The following IL33 variants were observed in gnomAD, a reference collection of about 807,000 sequenced individuals.
IL33 encodes the protein interleukin-33.
Under a neutral mutation model 27.3 loss-of-function variants are expected in IL33, and 37 were observed. That is an observed-to-expected ratio of 1.36 (90% CI 1.04 to 1.78). IL33 has a LOEUF of 1.78. IL33 is among the 40% of genes most tolerant of loss of function. The pLI is 0.00. For missense variants in IL33, 406 were observed against 311.4 expected (o/e 1.30, Z -2.29); for synonymous variants, 132 against 102.9 (o/e 1.28, Z -1.71).
intron 2 of IL33, among the ~76,000 whole-genome samples, chr9:6,247,226 G>A (rs1819910417): frequency 6.6e-6 from 1 of 152,190 alleles, no homozygotes; most frequent in Non-Finnish European, 1.5e-5. Flanking sequence ...TGAGCAGACA[G>A]TAGAGGGATA....
chr9:6,245,726 T>C (rs1048668267), intron 2 of IL33, among the ~76,000 whole-genome samples: 4 of 151,970 alleles, frequency 2.6e-5, no homozygotes, highest in African/African-American at 9.7e-5. Flanking sequence ...ATTGTAAGAA[T>C]GGAAAGAAGG....
chr9:6,236,000 C>T (rs979677856), intron 1 of IL33, among the ~76,000 whole-genome samples: 5 of 130,186 alleles, frequency 3.8e-5, no homozygotes, highest in Non-Finnish European at 8.1e-5. Context: ...AACATACACC[C>T]ACACCCACCC....
At chr9:6,250,453 A>G (rs995764339) in intron 2 of IL33, 21 bp from the exon 3 acceptor site, 1 of 1,610,074 alleles carries the variant, frequency 6.2e-7, no homozygotes, top group African/African-American at 1.3e-5. Flanking sequence ...AAACAGTCTC[A>G]CAAGTTTTTC....
At chr9:6,248,831 A>T (rs1816163154) in intron 2 of IL33, among the ~76,000 whole-genome samples, 1 of 151,980 alleles carries the variant, frequency 6.6e-6, no homozygotes, top group Non-Finnish European at 1.5e-5. Flanking sequence ...TTCTTGCCTC[A>T]GCCTCCCAAA....
intron 2 of IL33, among the ~76,000 whole-genome samples, chr9:6,248,334 G>A (rs1337215575): frequency 4.7e-5 from 7 of 149,216 alleles, no homozygotes; most frequent in African/African-American, 1.7e-4. Context: ...AACCTCCGGA[G>A]AGGTCGGATC....
chr9:6,251,025 A>C, intron 3 of IL33, 115 bp from the exon 4 acceptor site: 1 of 1,402,438 alleles, frequency 7.1e-7, no homozygotes, highest in Non-Finnish European at 9.6e-7. Context: ...TGAAGTGGCC[A>C]AAGCCCTGGA....
chr9:6,221,267 G>A (rs1210057574), intron 1 of IL33, among the ~76,000 whole-genome samples: 1 of 152,076 alleles, frequency 6.6e-6, no homozygotes, highest in Non-Finnish European at 1.5e-5. Context: ...TATGGTTTGT[G>A]GAAACTTAAT....
intron 2 of IL33, among the ~76,000 whole-genome samples, chr9:6,247,051 A>C (rs960729150): frequency 6.6e-6 from 1 of 152,190 alleles, no homozygotes; most frequent in African/African-American, 2.4e-5. Context: ...AAAGAAAAAC[A>C]GATAGAAAGC....
intron 1 of IL33, among the ~76,000 whole-genome samples, chr9:6,230,072 G>A (rs10975499): frequency 0.26 from 39,220 of 152,014 alleles, 5,546 homozygotes; most frequent in East Asian, 0.48. Context: ...TATGGAGGGA[G>A]GGGTAAGTAA....
At chr9:6,245,556 G>A (rs1335277188) in intron 2 of IL33, among the ~76,000 whole-genome samples, 1 of 152,180 alleles carries the variant, frequency 6.6e-6, no homozygotes, top group Non-Finnish European at 1.5e-5. Flanking sequence ...ATAAAGTGAG[G>A]AGGCAAGAGT....
chr9:6,220,465 T>C (rs1171640784), intron 1 of IL33, among the ~76,000 whole-genome samples: 1 of 152,242 alleles, frequency 6.6e-6, no homozygotes, highest in Non-Finnish European at 1.5e-5. Context: ...GCCTGCTGGC[T>C]TATTACTGGC....
In IL33 at chr9:6,216,749, C is replaced by CA. The variant is rs956353108; in HGVS notation, c.-12+905dup. ...GGTAACAAGAGCTAAATGTCATCTC[C>CA]AAAAAAAATGATGGAAACTTTGAAT... On this transcript the variant is annotated intron_variant, in intron 1 of 7. Transcript: ENST00000682010. 6.6e-5 allele frequency among the ~76,000 whole-genome samples: 10 copies of CA among 151,458 alleles called. No individual in the cohort carries two copies. In the East Asian group the frequency reaches 1.2e-3, roughly 18 times the overall value.
At position 6,250,540 on chromosome 9, in the gene IL33, T is replaced by C. The variant is rs1816290100; in HGVS notation, c.158T>C (p.Ile53Thr). Reference sequence around the variant, plus strand: ...ATGAAGCTCCGCTCTGGCCTTATGATAAAAAAGGAGGCCTGTTACTTTAGG... The same window carrying C: ...ATGAAGCTCCGCTCTGGCCTTATGACAAAAAAGGAGGCCTGTTACTTTAGG... The part of the protein sequence containing the change: ...YFMKLRSGLM[I>T]KKEACYFRRE... The change falls in exon 3 of 8, where the codon ATA (isoleucine) becomes ACA (threonine). Residue 53 changes from isoleucine (I) to threonine (T), a missense_variant. Coordinates refer to ENST00000682010, the MANE Select transcript of IL33 (RefSeq NM_033439.4). 1.2e-6 allele frequency: 2 copies of C among 1,613,852 alleles called. No homozygotes were observed. The highest frequency in any genetic ancestry group is 1.7e-6 in the Non-Finnish European group (2 of 1,179,940).
At chr9:6,251,014 A>G in intron 3 of IL33, 126 bp from the exon 4 acceptor site, 2 of 1,245,974 alleles carry the variant, frequency 1.6e-6, no homozygotes. Context: ...CCTTTGGACC[A>G]TGAAGTGGCC....
At chr9:6,246,040 G>T (rs1273590003) in intron 2 of IL33, among the ~76,000 whole-genome samples, 1 of 106,878 alleles carries the variant, frequency 9.4e-6, no homozygotes, top group Non-Finnish European at 1.7e-5. Flanking sequence ...TCCAGCCTGG[G>T]TGACAGAGCA....
In IL33 at chr9:6,253,334, C is replaced by CA. The variant is rs548395704; in HGVS notation, c.470-218_470-217insA. On this transcript the variant is annotated intron_variant, in intron 5 of 7. Coordinates refer to ENST00000682010, the MANE Select transcript of IL33 (RefSeq NM_033439.4). Reference sequence around the variant, plus strand: ...CCAAAGTACAACCTTTATGCCACTGCTATGAAAAATATTTTAAATATTTTA... The same window carrying CA: ...CCAAAGTACAACCTTTATGCCACTGCATATGAAAAATATTTTAAATATTTTA... 5.9e-5 allele frequency among the ~76,000 whole-genome samples: 9 copies of CA among 152,282 alleles called. No individual in the cohort carries two copies. In the East Asian group the frequency reaches 1.2e-3, roughly 20 times the overall value.
chr9:6,253,601 A>C lies in IL33; in HGVS notation c.519A>C (p.Ser173=). Residue 173 remains serine, a splice_region_variant and synonymous_variant, in exon 6 of 8, where the codon TCA becomes TCC. Transcript: ENST00000682010. ...YYESQHPSNE[S]GDGVDGKMLM... is the part of the protein sequence containing the mutation. The stretch of plus-strand genomic sequence containing the variant: ...AGTCTCAACACCCCTCAAATGAATC[A>C]GGTAATTTGGAGGGCTGGGTAGCTG... 6.2e-7 allele frequency: 1 copy of C among 1,606,254 alleles called. No homozygotes were observed. Among genetic ancestry groups the C allele is most frequent in the Non-Finnish European group, 8.5e-7 (1 of 1,174,292 alleles).
At chr9:6,233,827 T>C (rs1291619985) in intron 1 of IL33, among the ~76,000 whole-genome samples, 1 of 152,166 alleles carries the variant, frequency 6.6e-6, no homozygotes, top group African/African-American at 2.4e-5. Context: ...GATACCATTC[T>C]TTCTTTCTTT....
rs781247316 is a variant in IL33, at chr9:6,255,955, CTT to C, written c.613-12_613-11del. ...CATTCACATATGGATTGCTTTCTCT[CTT>C]GTTTCCTCAGCTCCATAAGTGTGAA... On this transcript the variant is annotated splice_polypyrimidine_tract_variant and intron_variant, in intron 7 of 7. Coordinates refer to ENST00000682010, the MANE Select transcript of IL33 (RefSeq NM_033439.4). The C allele has an allele frequency of 1.1e-4, 171 of 1,611,614 alleles. No individual in the cohort carries two copies. The highest frequency in any genetic ancestry group is 7.3e-4 in the African/African-American group (55 of 74,976).
Sources: gnomAD v4.1 joint callset for allele counts (sites outside exome capture counted in the v4.1 genomes callset) on GRCh38, gnomAD v4.1.1 for gene constraint, MANE v1.5 for transcripts, NCBI Gene and HGNC (gene_info 2026-07-23, HGNC 2026-07-21) for gene names.